The following PITPNC1 variants were observed in gnomAD, a reference collection of about 807,000 sequenced individuals.
PITPNC1 encodes the protein cytoplasmic phosphatidylinositol transfer protein 1.
PITPNC1 carries 18 observed loss-of-function variants against 44.7 expected under a neutral mutation model. That is an observed-to-expected ratio of 0.40 (90% confidence interval 0.28 to 0.60). The LOEUF (loss-of-function observed/expected upper bound fraction) is 0.60, where lower values mean the gene tolerates loss of function less well. PITPNC1 is among the 20% of genes least tolerant of loss of function. The pLI is 0.39. For missense variants in PITPNC1, 290 were observed against 418.4 expected, an observed-to-expected ratio of 0.69 and a Z score of 2.68; for synonymous variants, 141 against 149.6, an observed-to-expected ratio of 0.94 and a Z score of 0.42.
intron 5 of PITPNC1, among the ~76,000 whole-genome samples, chr17:67,601,681 A>G (rs2041541891): frequency 1.3e-5 from 2 of 152,054 alleles, no homozygotes; most frequent in South Asian, 4.2e-4. Flanking sequence ...CTTGAGCCCA[A>G]GAGGTTGAGG....
At chr17:67,494,354 C>T (rs942676055) in intron 1 of PITPNC1, among the ~76,000 whole-genome samples, 14 of 151,724 alleles carry the variant, frequency 9.2e-5, no homozygotes, top group Non-Finnish European at 1.9e-4. Flanking sequence ...CACCTGCTAC[C>T]ACGTCTGGCT....
intron 1 of PITPNC1, among the ~76,000 whole-genome samples, chr17:67,392,153 A>G (rs1235753546): frequency 6.6e-6 from 1 of 152,244 alleles, no homozygotes; most frequent in African/African-American, 2.4e-5. Flanking sequence ...AATGATGGGA[A>G]CACACAAGCG....
intron 6 of PITPNC1, chr17:67,632,537 G>T: frequency 8.2e-5 from 22 of 269,090 alleles, no homozygotes; most frequent in Admixed American, 1.1e-4. Context: ...TGGCCTTGCT[G>T]AAAAACAACA....
In PITPNC1 at chr17:67,530,334, G is replaced by T. The variant is rs886742685; in HGVS notation, c.49-2468G>T. 2.4e-4 allele frequency among the ~76,000 whole-genome samples: 36 copies of T among 151,856 alleles called. 2 individuals are homozygous for T. The highest frequency in any genetic ancestry group is 2.2e-3 in the Admixed American group (33 of 15,236). On this transcript the variant is annotated intron_variant, in intron 1 of 8. Coordinates refer to ENST00000581322, the MANE Select transcript of PITPNC1 (RefSeq NM_012417.4). ...TCTCTATCTCCTGACCTTGTGATCT[G>T]CCCACCTCAGCCTCCCAAAGTGCTG...
At chr17:67,447,132 C>CTAA (rs2039109499) in intron 1 of PITPNC1, among the ~76,000 whole-genome samples, 1 of 135,440 alleles carries the variant, frequency 7.4e-6, no homozygotes, top group Non-Finnish European at 1.6e-5. Flanking sequence ...ACCCTAGGAT[C>CTAA]TAAGAAGAAT....
chr17:67,467,914 T>G (rs911258280), intron 1 of PITPNC1, among the ~76,000 whole-genome samples: 1 of 152,146 alleles, frequency 6.6e-6, no homozygotes, highest in Non-Finnish European at 1.5e-5. Context: ...CAGAATTGAG[T>G]TGGAGACTTA....
At chr17:67,502,798 G>GTATTT (rs1447200778) in intron 1 of PITPNC1, among the ~76,000 whole-genome samples, 2 of 145,874 alleles carry the variant, frequency 1.4e-5, no homozygotes, top group African/African-American at 5.1e-5. Context: ...GTATTGTATT[G>GTATTT]TATTGTATTT....
At chr17:67,573,185 T>A (rs560108388) in intron 4 of PITPNC1, among the ~76,000 whole-genome samples, 1 of 152,264 alleles carries the variant, frequency 6.6e-6, no homozygotes, top group South Asian at 2.1e-4. Context: ...GTAGGGTCTT[T>A]GTTGGGGATG....
At chr17:67,617,738 C>T (rs972303222) in intron 5 of PITPNC1, among the ~76,000 whole-genome samples, 5 of 152,146 alleles carry the variant, frequency 3.3e-5, no homozygotes, top group Admixed American at 3.3e-4. Flanking sequence ...TAATCTCTGC[C>T]TCTGTCTTTA....
At chr17:67,513,026 T>C (rs1397606594) in intron 1 of PITPNC1, among the ~76,000 whole-genome samples, 1 of 151,970 alleles carries the variant, frequency 6.6e-6, no homozygotes, top group Non-Finnish European at 1.5e-5. Context: ...CACAACATAA[T>C]GGGATGCACA....
chr17:67,562,366 A>T (rs984569837), intron 4 of PITPNC1, among the ~76,000 whole-genome samples: 19 of 152,026 alleles, frequency 1.2e-4, no homozygotes, highest in African/African-American at 4.6e-4. Context: ...TCTGCCTTCC[A>T]CACAGTCCCT....
intron 1 of PITPNC1, among the ~76,000 whole-genome samples, chr17:67,522,164 C>T (rs577231464): frequency 4.9e-4 from 74 of 152,184 alleles, no homozygotes; most frequent in Non-Finnish European, 9.3e-4. Context: ...ATTAGCCGGG[C>T]GTGGTGGCAC....
chr17:67,574,513 G>A (rs1000278257), intron 4 of PITPNC1, among the ~76,000 whole-genome samples: 2 of 152,194 alleles, frequency 1.3e-5, no homozygotes, highest in Non-Finnish European at 2.9e-5. Flanking sequence ...GGTAAGGGAT[G>A]TAGGATAGAT....
chr17:67,640,100 C>G (rs117106762), intron 6 of PITPNC1, among the ~76,000 whole-genome samples: 4,473 of 152,014 alleles, frequency 0.029, 87 homozygotes, highest in Non-Finnish European at 0.039. Flanking sequence ...TCCCGTTTCC[C>G]TCAAGTCCAT....
At chr17:67,499,020 C>T (rs556341183) in intron 1 of PITPNC1, among the ~76,000 whole-genome samples, 5 of 151,916 alleles carry the variant, frequency 3.3e-5, no homozygotes, top group South Asian at 2.1e-4. Flanking sequence ...TACAGGCACC[C>T]GCCACCATGC....
chr17:67,497,612 C>T (rs921945617), intron 1 of PITPNC1, among the ~76,000 whole-genome samples: 1 of 142,636 alleles, frequency 7.0e-6, no homozygotes, highest in Non-Finnish European at 1.5e-5. Flanking sequence ...ACTGCAGTCT[C>T]GACCTCCTAG....
chr17:67,686,618 A>C (rs2042821068), intron 8 of PITPNC1, among the ~76,000 whole-genome samples: 1 of 152,180 alleles, frequency 6.6e-6, no homozygotes. Flanking sequence ...CTATAACAGC[A>C]ATGAAAGTGT....
intron 1 of PITPNC1, among the ~76,000 whole-genome samples, chr17:67,512,371 G>A (rs990218048): frequency 2.0e-5 from 3 of 151,968 alleles, no homozygotes; most frequent in African/African-American, 7.3e-5. Flanking sequence ...CGTGATGATG[G>A]GTGCCTGTAA....
At chr17:67,630,773 G>A (rs1399231141) in intron 5 of PITPNC1, among the ~76,000 whole-genome samples, 5 of 150,504 alleles carry the variant, frequency 3.3e-5, no homozygotes, top group East Asian at 2.0e-4. Flanking sequence ...GTGCAGTGGC[G>A]CAATCTCGGC....
Sources: allele counts gnomAD v4.1 joint callset (sites outside exome capture counted in the v4.1 genomes callset), GRCh38; gene constraint gnomAD v4.1.1; transcripts MANE v1.5; gene names NCBI Gene and HGNC (gene_info 2026-07-23, HGNC 2026-07-21).